Variants in SAMD8 observed in about 807,000 individuals in gnomAD.
SAMD8 encodes sterile alpha motif domain containing 8, also known as sphingomyelin synthase-related protein 1.
A neutral mutation model predicts 42.0 loss-of-function variants in SAMD8; 20 were observed. The observed-to-expected ratio is 0.48, with a 90% confidence interval of 0.34 to 0.69. The LOEUF (loss-of-function observed/expected upper bound fraction) is 0.69, where lower values mean the gene tolerates loss of function less well. Among genes scored for constraint, SAMD8 ranks in the 30% least tolerant of loss-of-function variants. The pLI, the probability that SAMD8 is intolerant of heterozygous loss-of-function variation, is 0.01. For synonymous variants in SAMD8, 162 were observed against 173.0 expected, an observed-to-expected ratio of 0.94 and a Z score of 0.50; for missense variants, 328 against 511.6, an observed-to-expected ratio of 0.64 and a Z score of 3.46.
chr10:75,176,024 C>T lies in SAMD8; in HGVS notation c.793-42C>T, dbSNP rs113664197. 814 of 1,588,290 alleles carry T rather than the reference C, an allele frequency of 5.1e-4. 2 individuals carry two copies. In the African/African-American group the frequency reaches 8.9e-3, roughly 17 times the overall value. Reference sequence around the variant, plus strand: ...AATGGATGTTGGGAAGTTCCCACCTCCCTAAGCATTTGAAGCACTAATTCA... The same window carrying T: ...AATGGATGTTGGGAAGTTCCCACCTTCCTAAGCATTTGAAGCACTAATTCA... On this transcript the variant is annotated intron_variant, in intron 4 of 5. Coordinates refer to ENST00000542569, the MANE Select transcript of SAMD8 (RefSeq NM_001174156.2). The surrounding 1 kb of genome is among the most constrained non-coding windows in gnomAD (Gnocchi z 4.3).
chr10:75,135,180 C>T (rs754857427), intron 1 of SAMD8, among the ~76,000 whole-genome samples: 2 of 151,444 alleles, frequency 1.3e-5, no homozygotes, highest in Non-Finnish European at 2.9e-5. Context: ...GGGCCAGACG[C>T]GATGGCTTAT....
At chr10:75,175,377 G>A (rs1309088729) in intron 4 of SAMD8, among the ~76,000 whole-genome samples, 2 of 152,126 alleles carry the variant, frequency 1.3e-5, no homozygotes, top group African/African-American at 4.8e-5. Flanking sequence ...GTCTGTCATA[G>A]CCTATGTCTT....
chr10:75,131,078 A>G (rs987514968), intron 1 of SAMD8, among the ~76,000 whole-genome samples: 8 of 152,212 alleles, frequency 5.3e-5, no homozygotes, highest in African/African-American at 1.9e-4. Flanking sequence ...GGCAAAGATC[A>G]AGCAGTTGTT....
At chr10:75,110,582 G>A (rs1315728936), upstream of SAMD8, among the ~76,000 whole-genome samples, 2 of 152,186 alleles carry the variant, frequency 1.3e-5, no homozygotes, top group African/African-American at 4.8e-5. Context: ...TGTGTGGGGA[G>A]GCAAGACCAA....
At chr10:75,130,267 C>T (rs891616058) in intron 1 of SAMD8, among the ~76,000 whole-genome samples, 2 of 151,840 alleles carry the variant, frequency 1.3e-5, no homozygotes, top group Admixed American at 6.6e-5. Context: ...TTTGGTAGGC[C>T]GAGGCAGGCA....
At chr10:75,158,932 G>A (rs1404256697) in intron 2 of SAMD8, among the ~76,000 whole-genome samples, 1 of 152,106 alleles carries the variant, frequency 6.6e-6, no homozygotes. Context: ...TTGTATGGAT[G>A]TACCAATTTT....
At chr10:75,144,732 A>G (rs1240683143) in intron 1 of SAMD8, among the ~76,000 whole-genome samples, 1 of 151,914 alleles carries the variant, frequency 6.6e-6, no homozygotes, top group Non-Finnish European at 1.5e-5. Flanking sequence ...ATCTCAGTCC[A>G]CTGCAGCCTT....
intron 3 of SAMD8, 92 bp from the exon 4 acceptor site, chr10:75,168,449 G>T: frequency 6.5e-7 from 1 of 1,545,380 alleles, no homozygotes; most frequent in Admixed American, 2.0e-5. Context: ...TGATTTTTCT[G>T]TTTGCTCTTC....
At chr10:75,154,929 G>C (rs548489525) in intron 2 of SAMD8, among the ~76,000 whole-genome samples, 1 of 152,196 alleles carries the variant, frequency 6.6e-6, no homozygotes, top group East Asian at 1.9e-4. Context: ...GTCTCACTCT[G>C]TTCTCCAGGC....
chr10:75,170,071 A>G (rs1220189578), intron 4 of SAMD8, among the ~76,000 whole-genome samples: 1 of 152,216 alleles, frequency 6.6e-6, no homozygotes, highest in Non-Finnish European at 1.5e-5. Flanking sequence ...ATCTCTTCTC[A>G]TTAAACAGAA....
rs1307221540 is a variant in SAMD8, at chr10:75,179,735, T to C, written c.*3043T>C. On this transcript the variant is annotated 3_prime_UTR_variant, in exon 6 of 6. Transcript: ENST00000542569. ...AATTTCCAGATTTTGTCTTCATTTT[T>C]TTTCCTGGTTAAAATCTAAACCATA... 2 of 152,234 alleles carry C rather than the reference T, an allele frequency of 1.3e-5. No homozygotes were observed. Among genetic ancestry groups the C allele is most frequent in the Non-Finnish European group, 2.9e-5 (2 of 68,038 alleles). 9.4% of individuals were successfully genotyped at this position (152,234 alleles called of 1,614,324 possible).
intron 2 of SAMD8, among the ~76,000 whole-genome samples, chr10:75,162,209 AT>A (rs113372797): frequency 6.4e-4 from 97 of 152,262 alleles, no homozygotes; most frequent in African/African-American, 2.3e-3. Context: ...AAATACAAAA[AT>A]TAGCTGGGCG....
intron 4 of SAMD8, among the ~76,000 whole-genome samples, chr10:75,172,905 A>G (rs1442009484): frequency 6.6e-6 from 1 of 152,044 alleles, no homozygotes; most frequent in African/African-American, 2.4e-5. Context: ...AAGTGTTGGG[A>G]TTACAGGCAT....
At chr10:75,166,998 G>A (rs1002729074) in intron 3 of SAMD8, among the ~76,000 whole-genome samples, 1 of 152,180 alleles carries the variant, frequency 6.6e-6, no homozygotes, top group African/African-American at 2.4e-5. Flanking sequence ...CTTGTGTTCA[G>A]TGCTTTCTCT....
chr10:75,103,822 A>C (rs1430491615), intron 1 of SAMD8: 1 of 1,185,006 alleles, frequency 8.4e-7, no homozygotes, highest in Non-Finnish European at 1.1e-6. Context: ...TCCCCTCCCC[A>C]CTTTCCCAGG....
chr10:75,119,052 C>T (rs1047156180), intron 1 of SAMD8, among the ~76,000 whole-genome samples: 5 of 152,032 alleles, frequency 3.3e-5, no homozygotes, highest in African/African-American at 1.2e-4. Context: ...GAAGTCTCTT[C>T]CTCAGTGTTT....
At chr10:75,139,417 A>G (rs780767449) in intron 1 of SAMD8, among the ~76,000 whole-genome samples, 1 of 152,228 alleles carries the variant, frequency 6.6e-6, no homozygotes, top group Non-Finnish European at 1.5e-5. Context: ...AATGCCATTT[A>G]TAATAATAAT....
chr10:75,152,879 T>C (rs2072773438), intron 2 of SAMD8, among the ~76,000 whole-genome samples: 2 of 152,082 alleles, frequency 1.3e-5, no homozygotes. Context: ...CCAACAACAA[T>C]AATAATAATA....
chr10:75,140,932 C>A (rs1004998893), intron 1 of SAMD8, among the ~76,000 whole-genome samples: 2 of 152,116 alleles, frequency 1.3e-5, no homozygotes, highest in Non-Finnish European at 1.5e-5. Context: ...TTGTTTTCAG[C>A]ATATAGGTCT....
Sources: allele counts gnomAD v4.1 joint callset (sites outside exome capture counted in the v4.1 genomes callset), GRCh38; gene constraint gnomAD v4.1.1; non-coding constraint Gnocchi (gnomAD v3.1); transcripts MANE v1.5; gene names NCBI Gene and HGNC (gene_info 2026-07-23, HGNC 2026-07-21).